Variants in RALB observed in about 807,000 individuals in gnomAD.
RALB encodes ras-related protein Ral-B.
In RALB, 16 loss-of-function variants were observed where a neutral mutation model predicts 21.3. The ratio of observed to expected loss-of-function variants is 0.75; its 90% CI spans 0.51 to 1.14. RALB has a LOEUF of 1.14. RALB is among the 50% of genes most tolerant of loss of function. RALB has a pLI of 0.00. For synonymous variants in RALB, 93 were observed against 96.1 expected (o/e 0.97, Z 0.19); for missense variants, 161 against 256.2 (o/e 0.63, Z 2.54).
chr2:120,293,605 C>T lies in RALB; in HGVS notation c.*345C>T, dbSNP rs11545294. The T allele has an allele frequency of 3.3e-3, 549 of 167,342 alleles. No individual in the cohort carries two copies. Among genetic ancestry groups the T allele is most frequent in the Middle Eastern group, 0.011 (4 of 376 alleles). 10.4% of individuals were successfully genotyped at this position (167,342 alleles called of 1,614,324 possible). On this transcript the variant is annotated 3_prime_UTR_variant, in exon 5 of 5. Transcript: ENST00000272519. ...TCTTATTTTGTTCCTAGTTTTATAACATTACCATCCTTCGTTTTGAACTAC... is the reference window on the plus strand; with the variant it reads ...TCTTATTTTGTTCCTAGTTTTATAATATTACCATCCTTCGTTTTGAACTAC...
chr2:120,258,990 G>T (rs908058915), intron 1 of RALB, among the ~76,000 whole-genome samples: 1 of 152,058 alleles, frequency 6.6e-6, no homozygotes, highest in African/African-American at 2.4e-5. Context: ...GAGTGAAGCT[G>T]CAGACCTTCG....
chr2:120,263,181 T>G (rs1689413307), intron 1 of RALB, among the ~76,000 whole-genome samples: 1 of 152,272 alleles, frequency 6.6e-6, no homozygotes, highest in Non-Finnish European at 1.5e-5. Flanking sequence ...TATTTATTTA[T>G]TTATTTTGAG....
intron 2 of RALB, among the ~76,000 whole-genome samples, chr2:120,281,244 G>A (rs1379524084): frequency 2.0e-5 from 3 of 152,168 alleles, no homozygotes; most frequent in African/African-American, 4.8e-5. Flanking sequence ...CAAGTTGCCC[G>A]CAGGCCCCTG....
upstream of RALB, among the ~76,000 whole-genome samples, chr2:120,249,471 G>A (rs1689020349): frequency 6.6e-6 from 1 of 152,202 alleles, no homozygotes; most frequent in Non-Finnish European, 1.5e-5. Context: ...TCCTGGGGAG[G>A]CTTCAGGAAG....
intron 1 of RALB, among the ~76,000 whole-genome samples, chr2:120,273,308 A>G (rs1182423074): frequency 6.6e-6 from 1 of 151,292 alleles, no homozygotes; most frequent in Admixed American, 6.6e-5. Context: ...TCACCTCTGG[A>G]TGGTGGCGAG....
chr2:120,259,470 G>C (rs1558947352), intron 1 of RALB, among the ~76,000 whole-genome samples: 1 of 152,124 alleles, frequency 6.6e-6, no homozygotes, highest in Non-Finnish European at 1.5e-5. Flanking sequence ...CACAAACCTT[G>C]AGCTAAACAC....
chr2:120,259,008 T>C (rs2104587773), intron 1 of RALB, among the ~76,000 whole-genome samples: 1 of 151,796 alleles, frequency 6.6e-6, no homozygotes. Flanking sequence ...TCGCGGTGAG[T>C]GTTACAGCTC....
At chr2:120,267,321 A>G (rs550984643) in intron 1 of RALB, among the ~76,000 whole-genome samples, 59 of 152,350 alleles carry the variant, frequency 3.9e-4, no homozygotes, top group Non-Finnish European at 7.5e-4. Flanking sequence ...TGTTTTGCAT[A>G]TCTAATGTCA....
At position 120,286,127 on chromosome 2, in the gene RALB, C is replaced by T. The variant is rs373893529; in HGVS notation, c.323+45C>T. On this transcript the variant is annotated intron_variant, in intron 3 of 4. Coordinates refer to ENST00000272519, the MANE Select transcript of RALB (RefSeq NM_002881.3). ...GCAGAAGCCCCCAGGAAGCTTTTTGCCTTTTCTCATATGTCTTAGGCCTAT... is the reference window on the plus strand; with the variant it reads ...GCAGAAGCCCCCAGGAAGCTTTTTGTCTTTTCTCATATGTCTTAGGCCTAT... 6.4e-6 allele frequency: 10 copies of T among 1,562,898 alleles called. No homozygotes were observed. The African/African-American group carries it at 1.1e-4, about 17-fold the overall frequency.
intron 3 of RALB, among the ~76,000 whole-genome samples, chr2:120,288,291 G>C (rs1409550086): frequency 7.0e-6 from 1 of 142,482 alleles, no homozygotes; most frequent in East Asian, 2.0e-4. Context: ...TTTTTAGTTT[G>C]TCTTAAAATA....
At chr2:120,280,715 A>G (rs972973668) in intron 2 of RALB, 6 of 23,048 alleles carry the variant, frequency 2.6e-4, no homozygotes, top group Middle Eastern at 9.4e-3. Flanking sequence ...AAGTAAAAAG[A>G]AAAAAAAAAA....
chr2:120,265,339 G>A (rs1202875773), intron 1 of RALB, among the ~76,000 whole-genome samples: 1 of 152,162 alleles, frequency 6.6e-6, no homozygotes, highest in Non-Finnish European at 1.5e-5. Flanking sequence ...TAAACATATC[G>A]AAACGTAGGA....
chr2:120,265,788 AAGT>A (rs1030210730), intron 1 of RALB, among the ~76,000 whole-genome samples: 11 of 124,950 alleles, frequency 8.8e-5, no homozygotes, highest in Admixed American at 7.9e-4. Context: ...GTAGAAGTAG[AAGT>A]AGTAGTAGAA....
At chr2:120,283,105 C>T (rs997276713) in intron 2 of RALB, among the ~76,000 whole-genome samples, 1 of 152,004 alleles carries the variant, frequency 6.6e-6, no homozygotes, top group African/African-American at 2.4e-5. Flanking sequence ...GGTTCTGCCG[C>T]GTGGCCAGGT....
chr2:120,277,290 CGTGT>C (rs773637012), intron 1 of RALB, among the ~76,000 whole-genome samples: 1 of 151,632 alleles, frequency 6.6e-6, no homozygotes, highest in African/African-American at 2.4e-5. Context: ...TGTGCGAGAG[CGTGT>C]GTGTTCTGTG....
chr2:120,268,561 C>T (rs1200936459), intron 1 of RALB, among the ~76,000 whole-genome samples: 1 of 152,164 alleles, frequency 6.6e-6, no homozygotes, highest in African/African-American at 2.4e-5. Flanking sequence ...GCAGAGGGCC[C>T]AGGACGGGAG....
chr2:120,256,395 C>G (rs541119840), intron 1 of RALB, among the ~76,000 whole-genome samples: 10 of 152,078 alleles, frequency 6.6e-5, no homozygotes, highest in Non-Finnish European at 1.0e-4. Context: ...TTGGCTGTGT[C>G]CCTACCCAAA....
intron 3 of RALB, 149 bp downstream of exon 3, chr2:120,286,231 G>A (rs1159627232): frequency 4.6e-6 from 3 of 654,844 alleles, no homozygotes; most frequent in Non-Finnish European, 2.6e-6. Flanking sequence ...ATCTTCTGGG[G>A]CTTTCTGAAT....
At chr2:120,246,993 C>T (rs1375476367) in intron 1 of RALB, among the ~76,000 whole-genome samples, 2 of 152,206 alleles carry the variant, frequency 1.3e-5, no homozygotes, top group Non-Finnish European at 2.9e-5. Context: ...AAGAGCTCAG[C>T]GCGGAATCTA....
Sources: allele counts gnomAD v4.1 joint callset (sites outside exome capture counted in the v4.1 genomes callset), GRCh38; gene constraint gnomAD v4.1.1; transcripts MANE v1.5; gene names NCBI Gene and HGNC (gene_info 2026-07-23, HGNC 2026-07-21).